CTNNBL1: variants seen among roughly 807,000 people sequenced by gnomAD.
The protein encoded by CTNNBL1 is beta-catenin-like protein 1.
In CTNNBL1, 31 loss-of-function variants were observed where a neutral mutation model predicts 72.7. The ratio of observed to expected loss-of-function variants is 0.43; its 90% CI spans 0.32 to 0.58. CTNNBL1 has a LOEUF of 0.58. CTNNBL1 is among the 20% of genes least tolerant of loss of function. CTNNBL1 has a pLI of 0.08. For synonymous variants in CTNNBL1, 240 were observed against 267.3 expected, an observed-to-expected ratio of 0.90 and a Z score of 1.00; for missense variants, 534 against 725.1, an observed-to-expected ratio of 0.74 and a Z score of 3.03.
At chr20:37,828,265 TCA>T (rs372263878) in intron 11 of CTNNBL1, among the ~76,000 whole-genome samples, 5 of 152,190 alleles carry the variant, frequency 3.3e-5, no homozygotes, top group Admixed American at 1.3e-4. Context: ...CAGTAAGCTC[TCA>T]CATGTGTTGC....
intron 15 of CTNNBL1, among the ~76,000 whole-genome samples, chr20:37,864,333 T>C (rs573044776): frequency 6.6e-6 from 1 of 152,292 alleles, no homozygotes; most frequent in Middle Eastern, 3.4e-3. Context: ...AACATACTAA[T>C]TAGATGCAAG....
intron 9 of CTNNBL1, among the ~76,000 whole-genome samples, chr20:37,778,689 G>A (rs775078076): frequency 2.0e-5 from 3 of 152,174 alleles, no homozygotes; most frequent in Non-Finnish European, 4.4e-5. Flanking sequence ...CTTATATTGA[G>A]CCACGATTCA....
At chr20:37,759,575 GC>G (rs2073396190) in intron 5 of CTNNBL1, among the ~76,000 whole-genome samples, 1 of 152,150 alleles carries the variant, frequency 6.6e-6, no homozygotes, top group Non-Finnish European at 1.5e-5. Context: ...AGTCTGGGGA[GC>G]CACTAGGTAA....
chr20:37,863,482 A>G (rs1415069086), intron 15 of CTNNBL1, among the ~76,000 whole-genome samples: 1 of 152,156 alleles, frequency 6.6e-6, no homozygotes, highest in Non-Finnish European at 1.5e-5. Flanking sequence ...GCAGTTATGT[A>G]AGCAGGGAGG....
chr20:37,842,230 C>A (rs555831231), intron 12 of CTNNBL1, 109 bp from the exon 13 acceptor site: 5 of 750,946 alleles, frequency 6.7e-6, no homozygotes, highest in African/African-American at 1.7e-5. Context: ...AGTGCCAGAG[C>A]GGGTCTCCCT....
chr20:37,773,988 C>G (rs570985960), intron 7 of CTNNBL1, among the ~76,000 whole-genome samples: 2 of 144,182 alleles, frequency 1.4e-5, no homozygotes, highest in East Asian at 4.2e-4. Flanking sequence ...TCACTACTCA[C>G]TGCAGCCTTA....
chr20:37,851,310 T>G (rs751483245), intron 13 of CTNNBL1, among the ~76,000 whole-genome samples: 12 of 151,974 alleles, frequency 7.9e-5, no homozygotes, highest in Non-Finnish European at 1.5e-4. Flanking sequence ...TACCAGAGTA[T>G]CTCTCTCTTT....
At chr20:37,720,129 G>A (rs887653498) in intron 1 of CTNNBL1, among the ~76,000 whole-genome samples, 5 of 152,092 alleles carry the variant, frequency 3.3e-5, no homozygotes, top group African/African-American at 7.2e-5. Flanking sequence ...CCAGGTTCAC[G>A]CCATTCTTCT....
chr20:37,748,191 C>T (rs1485075959), intron 4 of CTNNBL1, among the ~76,000 whole-genome samples: 1 of 152,196 alleles, frequency 6.6e-6, no homozygotes, highest in African/African-American at 2.4e-5. Flanking sequence ...TAATCTCTCT[C>T]CTGAGAGCGT....
At chr20:37,720,907 A>G (rs138626424) in intron 1 of CTNNBL1, among the ~76,000 whole-genome samples, 1 of 152,264 alleles carries the variant, frequency 6.6e-6, no homozygotes, top group Non-Finnish European at 1.5e-5. Context: ...TCACACATAC[A>G]TTGTGTGCTG....
chr20:37,839,491 TAGA>T lies in CTNNBL1; in HGVS notation c.1214-606_1214-604del, dbSNP rs575042553. ...TTGAATTACCCTCTTCTTCCAAGAGTAGAAGAATAGTATTTCATAATAGAAGCC... is the reference window on the plus strand; with the variant it reads ...TTGAATTACCCTCTTCTTCCAAGAGTAGAATAGTATTTCATAATAGAAGCC... On this transcript the variant is annotated intron_variant, in intron 11 of 15. Coordinates refer to ENST00000361383, the MANE Select transcript of CTNNBL1 (RefSeq NM_030877.5). Among the ~76,000 whole-genome samples, 10 of 152,184 alleles carry T rather than the reference TAGA, an allele frequency of 6.6e-5. No homozygotes were observed. The South Asian group carries it at 1.9e-3, about 28-fold the overall frequency.
At position 37,738,254 on chromosome 20, in the gene CTNNBL1, C is replaced by T. The variant is rs533304618; in HGVS notation, c.326+770C>T. On this transcript the variant is annotated intron_variant, in intron 3 of 15. Transcript: ENST00000361383. ...GAATAAGTTACTTCCCCTTTCTTAG[C>T]CTTGGGTGTCTCATCTGTATAAGGA... Among the ~76,000 whole-genome samples, 10 of 152,294 alleles carry T rather than the reference C, an allele frequency of 6.6e-5. No individual in the cohort carries two copies. The South Asian group carries it at 1.9e-3, about 28-fold the overall frequency.
At chr20:37,765,071 C>A in intron 5 of CTNNBL1, 126 bp from the exon 6 acceptor site, 1 of 690,420 alleles carries the variant, frequency 1.4e-6, no homozygotes, top group Non-Finnish European at 2.6e-6. Context: ...ACCTTGTAAA[C>A]CATAGATTGC....
chr20:37,804,473 T>G (rs1055968080), intron 11 of CTNNBL1, among the ~76,000 whole-genome samples: 1 of 152,056 alleles, frequency 6.6e-6, no homozygotes, highest in Non-Finnish European at 1.5e-5. Context: ...GCTAACTAGG[T>G]GTGCGACTTT....
chr20:37,794,142 ACCCACT>A (rs545067485), intron 10 of CTNNBL1, among the ~76,000 whole-genome samples: 67 of 152,192 alleles, frequency 4.4e-4, no homozygotes, highest in African/African-American at 1.6e-3. Flanking sequence ...TTTTATATTC[ACCCACT>A]TATTTGCCAT....
intron 11 of CTNNBL1, among the ~76,000 whole-genome samples, chr20:37,816,375 T>C (rs945049979): frequency 1.4e-4 from 22 of 152,292 alleles, no homozygotes; most frequent in African/African-American, 4.6e-4. Flanking sequence ...TTTAAATCAC[T>C]TGGGTAGTCT....
chr20:37,706,676 T>A (rs2072888519), intron 1 of CTNNBL1, among the ~76,000 whole-genome samples: 1 of 152,200 alleles, frequency 6.6e-6, no homozygotes, highest in Admixed American at 6.5e-5. Flanking sequence ...TCTTCTAAAC[T>A]CCTGTTAATG....
intron 10 of CTNNBL1, among the ~76,000 whole-genome samples, chr20:37,787,020 T>C (rs543480466): frequency 5.3e-5 from 8 of 152,274 alleles, no homozygotes; most frequent in East Asian, 1.9e-4. Flanking sequence ...TGTAAACATA[T>C]TCCGTTCTTT....
chr20:37,779,372 G>A (rs774543071), intron 10 of CTNNBL1, 37 bp downstream of exon 10: 1 of 1,605,102 alleles, frequency 6.2e-7, no homozygotes, highest in Non-Finnish European at 8.5e-7. Context: ...CACCTTTTTT[G>A]CCTGACTTTT....
Sources: allele counts gnomAD v4.1 joint callset (sites outside exome capture counted in the v4.1 genomes callset), GRCh38; gene constraint gnomAD v4.1.1; transcripts MANE v1.5; gene names NCBI Gene and HGNC (gene_info 2026-07-23, HGNC 2026-07-21).